SH3GL3: variants seen among roughly 807,000 people sequenced by gnomAD.
The protein encoded by SH3GL3 is endophilin-A3.
A neutral mutation model predicts 47.7 loss-of-function variants in SH3GL3; 33 were observed. The observed-to-expected ratio is 0.69, with a 90% CI of 0.52 to 0.92. The LOEUF (loss-of-function observed/expected upper bound fraction) is 0.92, where lower values mean the gene tolerates loss of function less well. SH3GL3 is among the 40% of genes least tolerant of loss of function. The pLI is 0.00. For synonymous variants in SH3GL3, 155 were observed against 148.8 expected (o/e 1.04, Z -0.30); for missense variants, 363 against 417.8 (o/e 0.87, Z 1.14).
intron 8 of SH3GL3, among the ~76,000 whole-genome samples, chr15:83,615,821 T>A (rs1365706605): frequency 6.6e-6 from 1 of 152,182 alleles, no homozygotes; most frequent in African/African-American, 2.4e-5. Context: ...CATTATTAAA[T>A]ATAATAGATA....
At chr15:83,459,581 A>G (rs1231185832) in intron 1 of SH3GL3, among the ~76,000 whole-genome samples, 1 of 152,224 alleles carries the variant, frequency 6.6e-6, no homozygotes, top group Admixed American at 6.5e-5. Context: ...TACGCCTAGT[A>G]AAAACTTGCA....
chr15:83,626,421 C>G, the SH3GL3 span, among the ~76,000 whole-genome samples: 111,013 of 152,158 alleles, frequency 0.73, 41,406 homozygotes, highest in African/African-American at 0.88. Flanking sequence ...CTCTGTGGGT[C>G]AAGCCAGGGG....
At chr15:83,469,255 T>C (rs2040721916) in intron 1 of SH3GL3, among the ~76,000 whole-genome samples, 1 of 152,170 alleles carries the variant, frequency 6.6e-6, no homozygotes. Context: ...TCAGTTTTAT[T>C]GATCTTTTCA....
At chr15:83,555,437 T>C (rs1475621137) in intron 1 of SH3GL3, among the ~76,000 whole-genome samples, 2 of 152,214 alleles carry the variant, frequency 1.3e-5, no homozygotes, top group African/African-American at 4.8e-5. Flanking sequence ...AATTTAGATC[T>C]AGGATGAATT....
intron 1 of SH3GL3, among the ~76,000 whole-genome samples, chr15:83,483,968 T>C (rs2041484190): frequency 6.6e-6 from 1 of 152,226 alleles, no homozygotes; most frequent in Admixed American, 6.5e-5. Flanking sequence ...ATGTTGGTGC[T>C]AGAGAGAAAA....
chr15:83,542,600 G>C (rs1432947779), intron 1 of SH3GL3, among the ~76,000 whole-genome samples: 1 of 151,538 alleles, frequency 6.6e-6, no homozygotes, highest in Non-Finnish European at 1.5e-5. Context: ...TCCAATCCAT[G>C]AACATGAACT....
chr15:83,465,058 A>T (rs1256111609), intron 1 of SH3GL3, among the ~76,000 whole-genome samples: 2 of 150,748 alleles, frequency 1.3e-5, no homozygotes, highest in African/African-American at 4.9e-5. Context: ...GGGAAAAAAA[A>T]AAGAACTTTA....
intron 1 of SH3GL3, among the ~76,000 whole-genome samples, chr15:83,555,798 C>T (rs144617600): frequency 9.4e-4 from 143 of 152,368 alleles, no homozygotes; most frequent in Middle Eastern, 3.4e-3. Context: ...AGGAACCAGA[C>T]TGCTGGCTGT....
chr15:83,508,996 C>T (rs536487840), intron 1 of SH3GL3, among the ~76,000 whole-genome samples: 8 of 152,328 alleles, frequency 5.3e-5, no homozygotes, highest in Admixed American at 2.6e-4. Flanking sequence ...CGCTCCTCAC[C>T]TAGGATCTTA....
At chr15:83,597,314 A>G (rs1164998364) in intron 8 of SH3GL3, among the ~76,000 whole-genome samples, 1 of 152,000 alleles carries the variant, frequency 6.6e-6, no homozygotes, top group Non-Finnish European at 1.5e-5. Flanking sequence ...CCTTATAAGG[A>G]CCCTTGTGAT....
At chr15:83,619,064 GTC>G (rs992542649), downstream of SH3GL3, among the ~76,000 whole-genome samples, 2 of 152,204 alleles carry the variant, frequency 1.3e-5, no homozygotes, top group Non-Finnish European at 2.9e-5. Context: ...AGTTGATTGA[GTC>G]CCCAATAACA....
intron 2 of SH3GL3, among the ~76,000 whole-genome samples, chr15:83,561,592 C>T (rs1319643031): frequency 1.3e-5 from 2 of 151,914 alleles, no homozygotes; most frequent in Admixed American, 6.6e-5. Flanking sequence ...AAATAGAAAA[C>T]AATAACCACA....
chr15:83,511,560 A>G (rs1280064916), intron 1 of SH3GL3, among the ~76,000 whole-genome samples: 2 of 152,228 alleles, frequency 1.3e-5, no homozygotes, highest in Non-Finnish European at 2.9e-5. Flanking sequence ...GGGAAATGAA[A>G]AAAGTTGAAA....
intron 1 of SH3GL3, among the ~76,000 whole-genome samples, chr15:83,479,761 G>A (rs1164145613): frequency 6.6e-6 from 1 of 152,108 alleles, no homozygotes; most frequent in Admixed American, 6.5e-5. Context: ...CATCAGTGGG[G>A]CACTGACAGC....
intron 8 of SH3GL3, among the ~76,000 whole-genome samples, chr15:83,608,888 C>T (rs1465019231): frequency 6.6e-6 from 1 of 152,114 alleles, no homozygotes; most frequent in Non-Finnish European, 1.5e-5. Flanking sequence ...ATGGACTCCC[C>T]TCATCAATGG....
intron 8 of SH3GL3, among the ~76,000 whole-genome samples, chr15:83,599,533 C>A (rs966733926): frequency 5.3e-5 from 8 of 152,212 alleles, no homozygotes; most frequent in Admixed American, 1.3e-4. Context: ...TAGTTCATTT[C>A]TTTTTATGGT....
chr15:83,447,795 C>T lies in SH3GL3; in HGVS notation c.45+217C>T, dbSNP rs930698431. Among the ~76,000 whole-genome samples, 1 of 152,166 alleles carries T rather than the reference C, an allele frequency of 6.6e-6. No homozygotes were observed. The highest frequency in any genetic ancestry group is 2.4e-5 in the African/African-American group (1 of 41,456). On this transcript the variant is annotated intron_variant, in intron 1 of 8. Transcript: ENST00000427482. This position sits in a 1 kb window ranked among gnomAD's most constrained non-coding sequence, Gnocchi z 5.1. ...CCCATTCCCTGGCCCCCGGCTCTGC[C>T]CTGGGCCGTTGTAAATCGGAGAGAT...
downstream of SH3GL3, among the ~76,000 whole-genome samples, chr15:83,620,476 A>T (rs535281772): frequency 6.6e-6 from 1 of 152,250 alleles, no homozygotes; most frequent in African/African-American, 2.4e-5. Flanking sequence ...GTTAGTAGGC[A>T]TGAAAACAAC....
intron 4 of SH3GL3, among the ~76,000 whole-genome samples, chr15:83,572,001 C>G (rs1218047767): frequency 6.6e-6 from 1 of 152,186 alleles, no homozygotes. Context: ...GACCCCCACC[C>G]CACCCTGCTG....
Sources: allele counts gnomAD v4.1 joint callset (sites outside exome capture counted in the v4.1 genomes callset), GRCh38; gene constraint gnomAD v4.1.1; non-coding constraint Gnocchi (gnomAD v3.1); transcripts MANE v1.5; gene names NCBI Gene and HGNC (gene_info 2026-07-23, HGNC 2026-07-21).